Variants in PER1 observed in about 807,000 individuals in gnomAD.
The protein encoded by PER1 is period circadian protein homolog 1.
PER1 carries 87 observed loss-of-function variants against 125.9 expected under a neutral mutation model. The ratio of observed to expected loss-of-function variants is 0.69; its 90% confidence interval spans 0.58 to 0.83. The LOEUF is 0.83. Among genes scored for constraint, PER1 ranks in the 40% least tolerant of loss-of-function variants. The pLI is 0.00. For missense variants in PER1, 1,775 were observed against 1,722.8 expected (o/e 1.03, Z -0.54); for synonymous variants, 801 against 714.7 (o/e 1.12, Z -1.93).
intron 19 of PER1, 87 bp downstream of exon 19, chr17:8,143,179 C>T: frequency 1.9e-6 from 2 of 1,038,342 alleles, no homozygotes; most frequent in Non-Finnish European, 1.4e-6. Context: ...GAGACGCCAG[C>T]CTGGCAGAGA....
rs1472916614 is a variant in PER1, at chr17:8,148,641, C to T, written c.1048+3G>A. The T allele has an allele frequency of 1.9e-6, 3 of 1,600,994 alleles. No individual in the cohort carries two copies. Among genetic ancestry groups the T allele is most frequent in the East Asian group, 2.2e-5 (1 of 44,668 alleles). On this transcript the variant is annotated splice_donor_region_variant and intron_variant, in intron 8 of 22. Coordinates refer to ENST00000317276, the MANE Select transcript of PER1 (RefSeq NM_002616.3). ...CACCAGGCCAGGGCCCTGACCTGCC[C>T]ACCTTCGTAACCCGAATGGATGCGC... is the stretch of plus-strand genomic sequence containing the variant.
chr17:8,140,973 C>T lies in PER1; in HGVS notation c.*95G>A, dbSNP rs1456075713. 1.4e-6 allele frequency: 2 copies of T among 1,395,262 alleles called. No homozygotes were observed. The highest frequency in any genetic ancestry group is 2.0e-6 in the Non-Finnish European group (2 of 1,019,052). The allele number at this position is 1,395,262 out of a possible 1,614,324, so 86.4% of individuals were successfully genotyped here. On this transcript the variant is annotated 3_prime_UTR_variant, in exon 23 of 23. Transcript: ENST00000317276. The stretch of plus-strand genomic sequence containing the variant: ...TGGTGGGAGAAGCTGGGGCAGTTTC[C>T]CACTGGTTGGTCTAGCCACATCTGA...
intron 21 of PER1, 135 bp downstream of exon 21, chr17:8,142,134 G>A: frequency 1.8e-6 from 2 of 1,092,486 alleles, no homozygotes; most frequent in South Asian, 1.5e-5. Context: ...GGAGGAACTA[G>A]TAACAGGGCT....
chr17:8,142,454 G>A lies in PER1; in HGVS notation c.3264C>T (p.Ser1088=). The change falls in exon 21 of 23, where the codon AGC becomes AGT. Residue 1088 remains serine, a synonymous_variant. Transcript: ENST00000317276. ...GGSTSASITR[S]SQSSHTSKYF... is the part of the protein sequence containing the mutation. The stretch of plus-strand genomic sequence containing the variant: ...ATTTGCTTGTGTGGCTGCTCTGGCT[G>A]CTGCCTGTGAAGTGGGGGGCAGACC... 2.5e-6 allele frequency: 4 copies of A among 1,577,092 alleles called. No individual in the cohort carries two copies. Among genetic ancestry groups the A allele is most frequent in the Non-Finnish European group, 3.4e-6 (4 of 1,160,246 alleles).
chr17:8,146,393 C>A lies in PER1; in HGVS notation c.2017G>T (p.Val673Phe). The A allele has an allele frequency of 6.2e-7, 1 of 1,610,766 alleles. No homozygotes were observed. The highest frequency in any genetic ancestry group is 8.5e-7 in the Non-Finnish European group (1 of 1,178,342). ...SDDDRQRTGP[V>F]SVGTKKDPPS... ...TTACCTTTCTTGGTCCCCACAGAGA[C>A]TGGACCTGTCCTCTGCCTGTCGTCG... Residue 673 changes from valine to phenylalanine, a missense_variant, in exon 16 of 23, where the codon GTC becomes TTC. Coordinates refer to ENST00000317276, the MANE Select transcript of PER1 (RefSeq NM_002616.3).
Position 8,147,370 on chromosome 17 carries a change from G to A in PER1, c.1509C>T (p.Ser503=). 6.2e-7 allele frequency: 1 copy of A among 1,613,768 alleles called. No individual in the cohort carries two copies. Among genetic ancestry groups the A allele is most frequent in the Non-Finnish European group, 8.5e-7 (1 of 1,179,940 alleles). ...CTCCACAGAGTCCCGTGGGGCTGGG[G>A]CTGTGGACGGGCTGCAGCAGGGAGA... ...IHRLLLQPVH[S]PSPTGLCGVG... Residue 503 remains serine (S), a synonymous_variant, in exon 13 of 23, where the codon AGC becomes AGT. Transcript: ENST00000317276.
rs142812822 is a variant in PER1 at position 8,141,927 on chromosome 17, G to A, written c.3478C>T (p.Arg1160Trp). 2.4e-5 allele frequency: 39 copies of A among 1,613,972 alleles called. No individual in the cohort carries two copies. The African/African-American group carries it at 2.7e-4, about 11-fold the overall frequency. Residue 1160 changes from arginine to tryptophan, a missense_variant, in exon 22 of 23, where the codon CGG becomes TGG. Physicochemically the swap from Arg to Trp is moderately radical, Grantham distance 101. Coordinates refer to ENST00000317276, the MANE Select transcript of PER1 (RefSeq NM_002616.3). ...TTCTGCATGGCTCGGAGCCGCTCCC[G>A]ATCCTGCTTCAGCACAGAGGTCATG... ...RDMTSVLKQD[R>W]ERLRAMQKQQ... is the part of the protein sequence containing the mutation.
chr17:8,151,685 C>G (rs890649582), intron 1 of PER1, among the ~76,000 whole-genome samples: 7 of 152,128 alleles, frequency 4.6e-5, no homozygotes, highest in Non-Finnish European at 1.5e-5. Context: ...CCACAAGGAC[C>G]GAAGCCGGCA....
chr17:8,142,216 C>T lies in PER1; in HGVS notation c.3449+53G>A, dbSNP rs1982123189. ...GAGCCAGCCCCAGAAAAGAAAACTG[C>T]CCCCACTACTACCTCTGAAAGGAAG... On this transcript the variant is annotated intron_variant, in intron 21 of 22. Transcript: ENST00000317276. The T allele has an allele frequency of 1.1e-5, 16 of 1,425,260 alleles. No individual in the cohort carries two copies. In the South Asian group the frequency reaches 1.9e-4, roughly 17 times the overall value. The allele number at this position is 1,425,260 out of a possible 1,614,324, so 88.3% of individuals were successfully genotyped here.
intron 17 of PER1, 84 bp from the exon 18 acceptor site, chr17:8,145,077 C>CT (rs756046368): frequency 6.0e-5 from 80 of 1,325,992 alleles, no homozygotes; most frequent in Middle Eastern, 2.9e-4. Flanking sequence ...GTCTGATAGC[C>CT]TAGCCAACCC....
rs1982021043 is a variant in PER1, at chr17:8,140,627, C to G, written c.*441G>C. Reference sequence around the variant, plus strand: ...TCCACCAACCTCCCCCACTCCAGAGCAGCTAGGGGCTGGAACCCCCGGGTC... The same window carrying G: ...TCCACCAACCTCCCCCACTCCAGAGGAGCTAGGGGCTGGAACCCCCGGGTC... On this transcript the variant is annotated 3_prime_UTR_variant, in exon 23 of 23. Transcript: ENST00000317276. 4.1e-6 allele frequency: 1 copy of G among 243,604 alleles called. No homozygotes were observed. The highest frequency in any genetic ancestry group is 5.0e-5 in the Admixed American group (1 of 19,920). The allele number at this position is 243,604 out of a possible 1,614,324, so 15.1% of individuals were successfully genotyped here.
intron 18 of PER1, chr17:8,144,224 C>T: frequency 7.5e-6 from 3 of 399,136 alleles, no homozygotes; most frequent in Non-Finnish European, 1.3e-5. Context: ...CCTGTGGGCA[C>T]TGCCAGCCTA....
chr17:8,143,480 G>A lies in PER1; in HGVS notation c.2858C>T (p.Ser953Phe). Reference protein sequence around the residue: ...AEGPPTPASHSPSPSLPALAP... With the variant: ...AEGPPTPASHFPSPSLPALAP... ...GAGGGCGGGCAAGGATGGAGAAGGG[G>A]AGTGCGAGGCAGGAGTGGGAGGCCC... Residue 953 changes from serine to phenylalanine, a missense_variant, in exon 19 of 23, where the codon TCC becomes TTC. Physicochemically the swap from Ser to Phe is radical, Grantham distance 155. Coordinates refer to ENST00000317276, the MANE Select transcript of PER1 (RefSeq NM_002616.3). 1 of 1,597,300 alleles carries A rather than the reference G, an allele frequency of 6.3e-7. No individual in the cohort carries two copies. Among genetic ancestry groups the A allele is most frequent in the Non-Finnish European group, 8.5e-7 (1 of 1,170,616 alleles).
In PER1 at chr17:8,147,378, C is replaced by T. The variant is rs767296353; in HGVS notation, c.1501G>A (p.Val501Ile). Reference sequence around the variant, plus strand: ...AGTCCCGTGGGGCTGGGGCTGTGGACGGGCTGCAGCAGGGAGAGGGCAGGT... The same window carrying T: ...AGTCCCGTGGGGCTGGGGCTGTGGATGGGCTGCAGCAGGGAGAGGGCAGGT... ...EQIHRLLLQP[V>I]HSPSPTGLCG... The change falls in exon 13 of 23, where the codon GTC becomes ATC. Residue 501 changes from valine (V) to isoleucine (I), a missense_variant. Val to Ile is a conservative substitution (Grantham distance 29, BLOSUM62 3). Transcript: ENST00000317276. The T allele has an allele frequency of 2.0e-5, 33 of 1,613,552 alleles. No homozygotes were observed. The highest frequency in any genetic ancestry group is 9.9e-5 in the South Asian group (9 of 91,078).
Position 8,144,797 on chromosome 17 carries a change from A to T in PER1, c.2415T>A (p.Arg805=), listed in dbSNP as rs151048729. 46 of 1,584,672 alleles carry T rather than the reference A, an allele frequency of 2.9e-5. No homozygotes were observed. In the African/African-American group the frequency reaches 5.8e-4, roughly 20 times the overall value. ...GAGCTGTGGAAGAGCTGTCGAGTCC[A>T]CGCAGCCTGCCCAGGTCTCGGAAGC... ...LSRFRDLGRL[R]GLDSSSTAPS... The change falls in exon 18 of 23, where the codon CGT becomes CGA. Residue 805 remains arginine, a synonymous_variant. Coordinates refer to ENST00000317276, the MANE Select transcript of PER1 (RefSeq NM_002616.3).
chr17:8,147,420 G>A (rs376174626), intron 12 of PER1, 39 bp from the exon 13 acceptor site: 713 of 1,612,552 alleles, frequency 4.4e-4, no homozygotes, highest in Non-Finnish European at 5.8e-4. Flanking sequence ...GCTTGACCCG[G>A]CTTCCCACAC....
In PER1 at chr17:8,140,880, T is replaced by G; in HGVS notation, c.*188A>C. On this transcript the variant is annotated 3_prime_UTR_variant, in exon 23 of 23. Coordinates refer to ENST00000317276, the MANE Select transcript of PER1 (RefSeq NM_002616.3). ...TCTGGGCTGGGCTGCGGAGTTCTGC[T>G]CTCTGCTCCCTAAGAGGCCAGAGGC... 1.6e-6 allele frequency: 1 copy of G among 630,408 alleles called. No individual in the cohort carries two copies. The allele number at this position is 630,408 out of a possible 1,614,324, so 39.1% of individuals were successfully genotyped here. A position where few individuals can be genotyped will look rare whatever the true frequency, so the allele number is the denominator to read the frequency against.
chr17:8,141,490 TTGGACAGTGCCTTG>T, intron 22 of PER1, 150 bp from the exon 23 acceptor site: 1 of 938,758 alleles, frequency 1.1e-6, no homozygotes, highest in Non-Finnish European at 1.6e-6. Flanking sequence ...TCCAACAAGG[TTGGACAGTGCCTTG>T]TGCCCTCTAC....
At position 8,149,226 on chromosome 17, in the gene PER1, A is replaced by C. The variant is rs1263407604; in HGVS notation, c.905+33T>G. 2.5e-6 allele frequency: 4 copies of C among 1,575,320 alleles called. No homozygotes were observed. The South Asian group carries it at 4.5e-5, about 18-fold the overall frequency. ...CAAAAACAAAAACAAAAAAAAAAGG[A>C]GGCAGAGGTCTTCTCCAGTTCCCCT... On this transcript the variant is annotated intron_variant, in intron 7 of 22. Coordinates refer to ENST00000317276, the MANE Select transcript of PER1 (RefSeq NM_002616.3).
Sources: gnomAD v4.1 joint callset for allele counts (sites outside exome capture counted in the v4.1 genomes callset) on GRCh38, gnomAD v4.1.1 for gene constraint, MANE v1.5 for transcripts, NCBI Gene and HGNC (gene_info 2026-07-23, HGNC 2026-07-21) for gene names.